The following CYP11A1 variants were observed in gnomAD, a reference collection of about 807,000 sequenced individuals.
CYP11A1 encodes the protein cholesterol side-chain cleavage enzyme, mitochondrial.
In CYP11A1, 25 loss-of-function variants were observed where a neutral mutation model predicts 51.9. The ratio of observed to expected loss-of-function variants is 0.48; its 90% CI spans 0.35 to 0.67. The LOEUF is 0.67. CYP11A1 is among the 30% of genes least tolerant of loss of function. The pLI, the probability that CYP11A1 is intolerant of heterozygous loss-of-function variation, is 0.00. For synonymous variants in CYP11A1, 245 were observed against 262.1 expected (o/e 0.93, Z 0.63); for missense variants, 578 against 680.9 (o/e 0.85, Z 1.68).
rs2060590254 is a variant in CYP11A1, at chr15:74,338,551, A to T, written c.1434+20T>A. ...GCCAGGGCCAGCCCAGGGTGCCTAG[A>T]TGTCCCCAGCTTGACTCACATTGAT... is the stretch of plus-strand genomic sequence containing the variant. On this transcript the variant is annotated intron_variant, in intron 8 of 8. Coordinates refer to ENST00000268053, the MANE Select transcript of CYP11A1 (RefSeq NM_000781.3). 1 of 1,613,586 alleles carries T rather than the reference A, an allele frequency of 6.2e-7. No individual in the cohort carries two copies. Among genetic ancestry groups the T allele is most frequent in the South Asian group, 1.1e-5 (1 of 91,078 alleles).
intron 1 of CYP11A1, chr15:74,361,347 T>G (rs2141245596): frequency 4.2e-6 from 1 of 238,332 alleles, no homozygotes; most frequent in African/African-American, 2.3e-5. Flanking sequence ...TATAATTATG[T>G]TAAGTTATTG....
intron 5 of CYP11A1, among the ~76,000 whole-genome samples, chr15:74,341,763 G>T (rs951729471): frequency 1.3e-5 from 2 of 152,178 alleles, no homozygotes; most frequent in Non-Finnish European, 2.9e-5. Flanking sequence ...AACCTTTAAA[G>T]ATTTTAAAGT....
rs2060629503 is a variant in CYP11A1 at position 74,345,610 on chromosome 15, A to T, written c.426-367T>A. On this transcript the variant is annotated intron_variant, in intron 2 of 8. Coordinates refer to ENST00000268053, the MANE Select transcript of CYP11A1 (RefSeq NM_000781.3). The surrounding 1 kb of genome is among the most constrained non-coding windows in gnomAD (Gnocchi z 4.3). ...TGCCACTCCCACTTCCTCCTGGCCG[A>T]TGCTCACCTTTGACACTCCAGGGCC... 2.0e-5 allele frequency among the ~76,000 whole-genome samples: 3 copies of T among 151,950 alleles called. No individual in the cohort carries two copies. The highest frequency in any genetic ancestry group is 2.0e-4 in the Admixed American group (3 of 15,266).
chr15:74,362,214 A>G, intron 1 of CYP11A1: 1 of 452,962 alleles, frequency 2.2e-6, no homozygotes, highest in Non-Finnish European at 3.9e-6. Flanking sequence ...TGATTATGAA[A>G]TAAAAACTAA....
In CYP11A1 at chr15:74,345,535, G is replaced by GT. The variant is rs2060629220; in HGVS notation, c.426-293dup. Reference sequence around the variant, plus strand: ...AACTGATATTCTTAGAACCCTTTGTGTAACTTTCAGTCTCTCCAGTCTTTG... The same window carrying GT: ...AACTGATATTCTTAGAACCCTTTGTGTTAACTTTCAGTCTCTCCAGTCTTTG... On this transcript the variant is annotated intron_variant, in intron 2 of 8. Transcript: ENST00000268053. This position sits in a 1 kb window ranked among gnomAD's most constrained non-coding sequence, Gnocchi z 4.3. 6.6e-6 allele frequency among the ~76,000 whole-genome samples: 1 copy of GT among 152,196 alleles called. No homozygotes were observed. Among genetic ancestry groups the GT allele is most frequent in the Admixed American group, 6.5e-5 (1 of 15,278 alleles).
rs1018158843 is a variant in CYP11A1, at chr15:74,348,146, G to A, written c.270-91C>T. 6.8e-6 allele frequency: 10 copies of A among 1,464,552 alleles called. No individual in the cohort carries two copies. The African/African-American group carries it at 1.4e-4, about 20-fold the overall frequency. The allele number at this position is 1,464,552 out of a possible 1,614,324, so 90.7% of individuals were successfully genotyped here. On this transcript the variant is annotated intron_variant, in intron 1 of 8. Transcript: ENST00000268053. The stretch of plus-strand genomic sequence containing the variant: ...CAGCTGCCTCACAGTTCCACAACTT[G>A]CTGACTGTGGGACCTGAGTCGAGGC...
At chr15:74,339,549 A>G in intron 6 of CYP11A1, 38 bp downstream of exon 6, 2 of 1,605,610 alleles carry the variant, frequency 1.2e-6, no homozygotes, top group Non-Finnish European at 1.7e-6. Flanking sequence ...CTGCCCAGGG[A>G]TTGGAGTTGG....
chr15:74,339,885 A>C, intron 5 of CYP11A1, 132 bp from the exon 6 acceptor site: 1 of 821,600 alleles, frequency 1.2e-6, no homozygotes. Context: ...AGTCTCCAAG[A>C]CCATCCTCTG....
In CYP11A1 at chr15:74,361,550, C is replaced by T. The variant is rs1003553630; in HGVS notation, c.269+5767G>A. 5.4e-6 allele frequency: 4 copies of T among 746,624 alleles called. No homozygotes were observed. In the African/African-American group the frequency reaches 6.9e-5, roughly 13 times the overall value. The allele number at this position is 746,624 out of a possible 1,614,324, so 46.2% of individuals were successfully genotyped here. On this transcript the variant is annotated intron_variant, in intron 1 of 8. Transcript: ENST00000268053. ...GCCACCAGGAGCCCTGTACTATCAG[C>T]CATGGTCAACCCCACCGTGTTCTTT...
Position 74,338,600 on chromosome 15 carries a change from C to T in CYP11A1, c.1405G>A (p.Glu469Lys). The T allele has an allele frequency of 6.2e-7, 1 of 1,614,146 alleles. No homozygotes were observed. The highest frequency in any genetic ancestry group is 8.5e-7 in the Non-Finnish European group (1 of 1,180,008). ...ATGAGGAAGATGGTCATCTCTAGCT[C>T]AGCGATCCGCCGTCCCAGACACTGC... Reference protein sequence around the residue: ...VRQCLGRRIAELEMTIFLINM... With the variant: ...VRQCLGRRIAKLEMTIFLINM... The change falls in exon 8 of 9, where the codon GAG becomes AAG. Residue 469 changes from glutamate (E) to lysine (K), a missense_variant. Physicochemically the swap from Glu to Lys is moderately conservative, Grantham distance 56. Coordinates refer to ENST00000268053, the MANE Select transcript of CYP11A1 (RefSeq NM_000781.3).
Position 74,343,005 on chromosome 15 carries a change from G to A in CYP11A1, c.962C>T (p.Thr321Ile), listed in dbSNP as rs771041085. Reference sequence around the variant, plus strand: ...GTCCACCCCTCCTGCCAGCATCTCTGTGACGTTGGCCTTGATGTCCTCGAA... The same window carrying A: ...GTCCACCCCTCCTGCCAGCATCTCTATGACGTTGGCCTTGATGTCCTCGAA... Reference protein sequence around the residue: ...MSFEDIKANVTEMLAGGVDTT... With the variant: ...MSFEDIKANVIEMLAGGVDTT... Residue 321 changes from threonine to isoleucine, a missense_variant, in exon 5 of 9, where the codon ACA (threonine) becomes ATA (isoleucine). Coordinates refer to ENST00000268053, the MANE Select transcript of CYP11A1 (RefSeq NM_000781.3). The A allele has an allele frequency of 1.9e-6, 3 of 1,612,550 alleles. No individual in the cohort carries two copies.
At chr15:74,342,446 G>A (rs1022947160) in intron 5 of CYP11A1, among the ~76,000 whole-genome samples, 6 of 152,302 alleles carry the variant, frequency 3.9e-5, no homozygotes, top group Non-Finnish European at 1.5e-5. Flanking sequence ...TATGGAAAGA[G>A]CACTGGGGAT....
At chr15:74,340,924 G>A (rs919338367) in intron 5 of CYP11A1, among the ~76,000 whole-genome samples, 3 of 152,070 alleles carry the variant, frequency 2.0e-5, no homozygotes, top group Admixed American at 6.5e-5. Flanking sequence ...TCTTCCCCAC[G>A]CTAGGTCCTC....
chr15:74,343,833 G>A lies in CYP11A1; in HGVS notation c.785C>T (p.Thr262Ile). The change falls in exon 4 of 9, where the codon ACC (threonine) becomes ATC (isoleucine). Residue 262 changes from threonine to isoleucine, a missense_variant. Physicochemically the swap from Thr to Ile is moderately conservative, Grantham distance 89. Coordinates refer to ENST00000268053, the MANE Select transcript of CYP11A1 (RefSeq NM_000781.3). ...PDLFRLFRTK[T>I]WKDHVAAWDV... The stretch of plus-strand genomic sequence containing the variant: ...CCATGCAGCCACATGGTCCTTCCAG[G>A]TCTTGGTCCTGAACAGACGGAACAG... 1 of 1,613,508 alleles carries A rather than the reference G, an allele frequency of 6.2e-7. No individual in the cohort carries two copies. Among genetic ancestry groups the A allele is most frequent in the South Asian group, 1.1e-5 (1 of 91,044 alleles).
intron 1 of CYP11A1, among the ~76,000 whole-genome samples, chr15:74,355,358 T>G (rs1426158046): frequency 6.6e-6 from 1 of 152,196 alleles, no homozygotes; most frequent in African/African-American, 2.4e-5. Flanking sequence ...AGATAATTCT[T>G]GTCATAAAAT....
At chr15:74,352,264 C>CTTTTTTTTTTTT (rs34304260) in intron 1 of CYP11A1, among the ~76,000 whole-genome samples, 1 of 86,052 alleles carries the variant, frequency 1.2e-5, no homozygotes, top group Non-Finnish European at 2.2e-5. Context: ...TCTTTGCTAT[C>CTTTTTTTTTTTT]TTTTTTTTTT....
At position 74,345,914 on chromosome 15, in the gene CYP11A1, C is replaced by T. The variant is rs1481258002; in HGVS notation, c.426-671G>A. On this transcript the variant is annotated intron_variant, in intron 2 of 8. Transcript: ENST00000268053. The surrounding 1 kb of genome is among the most constrained non-coding windows in gnomAD (Gnocchi z 4.3). Reference sequence around the variant, plus strand: ...AACTTGACAGTAACTTACACTTGCCCTCCTGGTCCTTCCACATCCTTTGTT... The same window carrying T: ...AACTTGACAGTAACTTACACTTGCCTTCCTGGTCCTTCCACATCCTTTGTT... Among the ~76,000 whole-genome samples the T allele has an allele frequency of 6.6e-6, 1 of 152,198 alleles. No homozygotes were observed. Among genetic ancestry groups the T allele is most frequent in the Admixed American group, 6.5e-5 (1 of 15,286 alleles).
chr15:74,352,052 A>G (rs1400976061), intron 1 of CYP11A1, among the ~76,000 whole-genome samples: 1 of 152,198 alleles, frequency 6.6e-6, no homozygotes, highest in Non-Finnish European at 1.5e-5. Flanking sequence ...GTATGTACAC[A>G]TTGTTATATG....
rs76839286 is a variant in CYP11A1 at position 74,340,219 on chromosome 15, T to A, written c.991-466A>T. On this transcript the variant is annotated intron_variant, in intron 5 of 8. Coordinates refer to ENST00000268053, the MANE Select transcript of CYP11A1 (RefSeq NM_000781.3). ...ACCTTAGGCTTCACCTATAGCAACATGGCTTCAAGTAAGGCTCAAAGAAGC... is the reference window on the plus strand; with the variant it reads ...ACCTTAGGCTTCACCTATAGCAACAAGGCTTCAAGTAAGGCTCAAAGAAGC... 5.9e-5 allele frequency among the ~76,000 whole-genome samples: 9 copies of A among 152,364 alleles called. No individual in the cohort carries two copies. In the East Asian group the frequency reaches 1.5e-3, roughly 26 times the overall value.
Sources: allele counts gnomAD v4.1 joint callset (sites outside exome capture counted in the v4.1 genomes callset), GRCh38; gene constraint gnomAD v4.1.1; non-coding constraint Gnocchi (gnomAD v3.1); transcripts MANE v1.5; gene names NCBI Gene and HGNC (gene_info 2026-07-23, HGNC 2026-07-21).